The following NCOA2 variants were observed in gnomAD, a reference collection of about 807,000 sequenced individuals.
NCOA2 encodes the protein class E basic helix-loop-helix protein 75.
NCOA2 carries 21 observed loss-of-function variants against 145.1 expected under a neutral mutation model. The observed-to-expected ratio is 0.14, with a 90% confidence interval of 0.10 to 0.21. The LOEUF (loss-of-function observed/expected upper bound fraction) is 0.21, where lower values mean the gene tolerates loss of function less well. NCOA2 is among the 10% of genes least tolerant of loss of function. The pLI, the probability that NCOA2 is intolerant of heterozygous loss-of-function variation, is 1.00. For synonymous variants in NCOA2, 619 were observed against 637.5 expected (o/e 0.97, Z 0.44); for missense variants, 1,472 against 1,837.6 (o/e 0.80, Z 3.64).
At chr8:70,362,529 A>T (rs1810301630) in intron 1 of NCOA2, among the ~76,000 whole-genome samples, 1 of 152,226 alleles carries the variant, frequency 6.6e-6, no homozygotes, top group Non-Finnish European at 1.5e-5. Context: ...AAAGATATAC[A>T]GATGGCAGAT....
At chr8:70,317,715 G>A (rs530577714) in intron 1 of NCOA2, among the ~76,000 whole-genome samples, 2 of 152,200 alleles carry the variant, frequency 1.3e-5, no homozygotes, top group Admixed American at 1.3e-4. Context: ...TAAAAATAAG[G>A]AGTCCTAATT....
chr8:70,377,802 T>C (rs1323585012), intron 1 of NCOA2, among the ~76,000 whole-genome samples: 1 of 152,190 alleles, frequency 6.6e-6, no homozygotes, highest in African/African-American at 2.4e-5. Context: ...AAATCTAAAA[T>C]AAGACAGCTG....
chr8:70,405,437 G>GTTTTTTTTTTTTTTTTTTTTTTTTTT (rs34814735), upstream of NCOA2, among the ~76,000 whole-genome samples: 3 of 59,388 alleles, frequency 5.1e-5, no homozygotes, highest in African/African-American at 1.5e-4. Context: ...ATTTTTAAAG[G>GTTTTTTTTTTTTTTTTTTTTTTTTTT]TTTTTTTTTT....
intron 2 of NCOA2, among the ~76,000 whole-genome samples, chr8:70,241,711 A>G (rs890752346): frequency 6.6e-6 from 1 of 152,096 alleles, no homozygotes; most frequent in Non-Finnish European, 1.5e-5. Context: ...CCACTGACTC[A>G]TTAGCTGTGT....
At chr8:70,386,376 T>C (rs1242789411) in intron 1 of NCOA2, among the ~76,000 whole-genome samples, 6 of 152,212 alleles carry the variant, frequency 3.9e-5, no homozygotes, top group African/African-American at 1.4e-4. Context: ...TGCATCTTTT[T>C]ACAAAAGGCT....
chr8:70,132,446 G>A (rs759949975), intron 15 of NCOA2, among the ~76,000 whole-genome samples: 8 of 152,346 alleles, frequency 5.3e-5, no homozygotes, highest in East Asian at 1.9e-4. Context: ...ACCCACCTGG[G>A]AGAAATGAGA....
chr8:70,340,477 T>A (rs184891289), intron 1 of NCOA2, among the ~76,000 whole-genome samples: 1 of 152,140 alleles, frequency 6.6e-6, no homozygotes, highest in Non-Finnish European at 1.5e-5. Flanking sequence ...GAAAAAGATA[T>A]GCTTTTACAC....
intron 1 of NCOA2, among the ~76,000 whole-genome samples, chr8:70,349,871 A>T (rs931644985): frequency 6.6e-6 from 1 of 152,052 alleles, no homozygotes; most frequent in Non-Finnish European, 1.5e-5. Context: ...GATAATTAAG[A>T]TATTTATCTT....
intron 15 of NCOA2, among the ~76,000 whole-genome samples, chr8:70,133,020 A>G (rs1809323764): frequency 6.6e-6 from 1 of 152,136 alleles, no homozygotes; most frequent in African/African-American, 2.4e-5. Context: ...ATTACATGGT[A>G]CATACAACTC....
intron 2 of NCOA2, among the ~76,000 whole-genome samples, chr8:70,271,822 C>T (rs1825071112): frequency 6.6e-6 from 1 of 152,206 alleles, no homozygotes; most frequent in South Asian, 2.1e-4. Flanking sequence ...CACATGTTTG[C>T]AAACACAACC....
chr8:70,171,701 C>T (rs185444395), intron 5 of NCOA2, among the ~76,000 whole-genome samples: 265 of 152,278 alleles, frequency 1.7e-3, no homozygotes, highest in African/African-American at 5.6e-3. Flanking sequence ...TCTTGCTCTC[C>T]GCCCAGCCTG....
In NCOA2 at chr8:70,322,635, G is replaced by A. The variant is rs115559484; in HGVS notation, c.-76-25835C>T. On this transcript the variant is annotated intron_variant, in intron 1 of 22. Coordinates refer to ENST00000452400, the MANE Select transcript of NCOA2 (RefSeq NM_006540.4). ...GTATTTACTTCTGCCTTTACCATAC[G>A]TGTGATCCTGGGCAAGTTAGTTAAC... Among the ~76,000 whole-genome samples, 1,413 of 152,202 alleles carry A rather than the reference G, an allele frequency of 9.3e-3. 21 individuals are homozygous for A. The highest frequency in any genetic ancestry group is 0.032 in the African/African-American group (1,316 of 41,538).
chr8:70,150,314 T>C (rs1460467279), intron 11 of NCOA2, among the ~76,000 whole-genome samples: 1 of 152,186 alleles, frequency 6.6e-6, no homozygotes, highest in Non-Finnish European at 1.5e-5. Context: ...CAAATTATCC[T>C]TAAAGCTCTG....
intron 3 of NCOA2, 119 bp from the exon 4 acceptor site, chr8:70,214,194 G>A (rs919004365): frequency 2.1e-6 from 2 of 952,842 alleles, no homozygotes; most frequent in Non-Finnish European, 3.1e-6. Context: ...TATAAACACA[G>A]AAATACTTTT....
chr8:70,221,732 G>A (rs2134035736), intron 2 of NCOA2, among the ~76,000 whole-genome samples: 1 of 152,264 alleles, frequency 6.6e-6, no homozygotes, highest in Admixed American at 6.5e-5. Flanking sequence ...GAAATATACA[G>A]ACTACTCAAG....
intron 2 of NCOA2, among the ~76,000 whole-genome samples, chr8:70,237,976 A>C (rs1350906827): frequency 6.6e-6 from 1 of 152,204 alleles, no homozygotes; most frequent in African/African-American, 2.4e-5. Context: ...TTGCAATTTA[A>C]TATGATTTAG....
intron 4 of NCOA2, among the ~76,000 whole-genome samples, chr8:70,182,551 C>A (rs190402316): frequency 1.4e-4 from 22 of 152,274 alleles, no homozygotes; most frequent in Admixed American, 1.3e-4. Context: ...AATATTTAGG[C>A]TTTGAGTATA....
intron 11 of NCOA2, among the ~76,000 whole-genome samples, chr8:70,149,381 T>C (rs574538732): frequency 6.8e-6 from 1 of 147,672 alleles, no homozygotes; most frequent in Non-Finnish European, 1.5e-5. Context: ...ACCACAGGCA[T>C]GCACCACCAC....
intron 1 of NCOA2, among the ~76,000 whole-genome samples, chr8:70,303,202 T>A (rs902236367): frequency 6.6e-6 from 1 of 152,104 alleles, no homozygotes; most frequent in Non-Finnish European, 1.5e-5. Context: ...TCCATAGAAA[T>A]GGTTAAGATT....
Sources: gnomAD v4.1 joint callset for allele counts (sites outside exome capture counted in the v4.1 genomes callset) on GRCh38, gnomAD v4.1.1 for gene constraint, MANE v1.5 for transcripts, NCBI Gene and HGNC (gene_info 2026-07-23, HGNC 2026-07-21) for gene names.